The following LIMK2 variants were observed in gnomAD, a reference collection of about 807,000 sequenced individuals.
LIMK2 encodes the protein LIM domain kinase 2.
In LIMK2, 35 loss-of-function variants were observed where a neutral mutation model predicts 75.7. That is an observed-to-expected ratio of 0.46 (90% CI 0.35 to 0.61). The LOEUF (loss-of-function observed/expected upper bound fraction) is 0.61, where lower values mean the gene tolerates loss of function less well. LIMK2 is among the 20% of genes least tolerant of loss of function. The pLI is 0.00. For missense variants in LIMK2, 623 were observed against 831.0 expected (o/e 0.75, Z 3.08); for synonymous variants, 301 against 319.2 (o/e 0.94, Z 0.61).
At chr22:31,230,155 A>G (rs545640782) in intron 2 of LIMK2, 8 of 147,928 alleles carry the variant, frequency 5.4e-5, no homozygotes, top group African/African-American at 2.0e-4. Context: ...TGTAAACACT[A>G]TTGTACTTGG....
intron 4 of LIMK2, 59 bp from the exon 5 acceptor site, chr22:31,259,830 G>A (rs1292360100): frequency 2.0e-6 from 3 of 1,474,576 alleles, no homozygotes; most frequent in Non-Finnish European, 2.7e-6. Flanking sequence ...TGCAGTGGTT[G>A]CTGGGGGGCT....
chr22:31,272,928 C>A, intron 13 of LIMK2: 3 of 1,295,504 alleles, frequency 2.3e-6, no homozygotes, highest in Non-Finnish European at 2.0e-6. Flanking sequence ...TGAGTTCTGA[C>A]TGTGGCATTT....
chr22:31,268,976 G>A (rs2048925766), intron 11 of LIMK2, among the ~76,000 whole-genome samples: 1 of 152,218 alleles, frequency 6.6e-6, no homozygotes, highest in Non-Finnish European at 1.5e-5. Flanking sequence ...AAGCTATGGA[G>A]TCTGGACTAT....
intron 9 of LIMK2, 51 bp downstream of exon 9, chr22:31,267,121 A>G (rs756175797): frequency 1.7e-5 from 17 of 1,013,012 alleles, no homozygotes; most frequent in Non-Finnish European, 2.3e-5. Flanking sequence ...TGGAAGAGAG[A>G]AGACCTTACA....
chr22:31,262,459 G>T lies in LIMK2; in HGVS notation c.658-136G>T. 3.4e-6 allele frequency: 3 copies of T among 892,644 alleles called. No homozygotes were observed. Among genetic ancestry groups the T allele is most frequent in the Non-Finnish European group, 5.3e-6 (3 of 568,828 alleles). The allele number at this position is 892,644 out of a possible 1,614,324, so 55.3% of individuals were successfully genotyped here. On this transcript the variant is annotated intron_variant, in intron 6 of 15. Coordinates refer to ENST00000331728, the MANE Select transcript of LIMK2 (RefSeq NM_005569.4). The surrounding 1 kb of genome is among the most constrained non-coding windows in gnomAD (Gnocchi z 5.0). The stretch of plus-strand genomic sequence containing the variant: ...GACAGGATGCCAGGCAGAGGGCACT[G>T]TGAGGCCACTGGCAGCTAAAGGCCA...
intron 7 of LIMK2, among the ~76,000 whole-genome samples, chr22:31,263,426 G>C (rs896496182): frequency 6.6e-6 from 1 of 152,166 alleles, no homozygotes; most frequent in Non-Finnish European, 1.5e-5. Context: ...AAGATGGTAA[G>C]ATAAAGGTGG....
Position 31,267,650 on chromosome 22 carries a change from A to C in LIMK2, c.1129-126A>C. 3.0e-6 allele frequency: 3 copies of C among 1,016,884 alleles called. No individual in the cohort carries two copies. The South Asian group carries it at 5.1e-5, about 17-fold the overall frequency. The allele number at this position is 1,016,884 out of a possible 1,614,324, so 63.0% of individuals were successfully genotyped here. A position where few individuals can be genotyped will look rare whatever the true frequency, so the allele number is the denominator to read the frequency against. On this transcript the variant is annotated intron_variant, in intron 9 of 15. Transcript: ENST00000331728. Reference sequence around the variant, plus strand: ...CTCATCCTGATCTTAGTGCCCTGTCATATCACAAGATAGGAGGTAGGAGAT... The same window carrying C: ...CTCATCCTGATCTTAGTGCCCTGTCCTATCACAAGATAGGAGGTAGGAGAT...
intron 2 of LIMK2, among the ~76,000 whole-genome samples, chr22:31,240,355 G>A (rs148070423): frequency 1.8e-4 from 27 of 151,806 alleles, no homozygotes; most frequent in Non-Finnish European, 2.9e-4. Context: ...CATCCCTCAC[G>A]TTTGTTTGTT....
intron 15 of LIMK2, chr22:31,277,210 A>T: frequency 5.0e-6 from 8 of 1,605,104 alleles, no homozygotes; most frequent in Non-Finnish European, 6.8e-6. Context: ...TAGCAACAGC[A>T]ATACCGGGGG....
intron 15 of LIMK2, among the ~76,000 whole-genome samples, chr22:31,276,491 G>C (rs1179062567): frequency 3.4e-5 from 5 of 148,550 alleles, no homozygotes; most frequent in Non-Finnish European, 4.5e-5. Flanking sequence ...AGGGGACAAA[G>C]GGCGGGCGGA....
At position 31,262,507 on chromosome 22, in the gene LIMK2, G is replaced by A. The variant is rs1782611738; in HGVS notation, c.658-88G>A. On this transcript the variant is annotated intron_variant, in intron 6 of 15. Coordinates refer to ENST00000331728, the MANE Select transcript of LIMK2 (RefSeq NM_005569.4). This position sits in a 1 kb window ranked among gnomAD's most constrained non-coding sequence, Gnocchi z 5.0. ...CCACCATTAGACAAGTTGAGCACTG[G>A]CCACACTGTGCCTGAGTCATCTGGG... 1.5e-6 allele frequency: 2 copies of A among 1,303,500 alleles called. No individual in the cohort carries two copies. Among genetic ancestry groups the A allele is most frequent in the Non-Finnish European group, 2.2e-6 (2 of 925,760 alleles). 80.7% of individuals were successfully genotyped at this position (1,303,500 alleles called of 1,614,324 possible). A position where few individuals can be genotyped will look rare whatever the true frequency, so the allele number is the denominator to read the frequency against.
chr22:31,269,176 G>A (rs2048929206), intron 11 of LIMK2, among the ~76,000 whole-genome samples: 1 of 151,924 alleles, frequency 6.6e-6, no homozygotes. Flanking sequence ...CACGATCATG[G>A]CTCACTACAG....
In LIMK2 at chr22:31,268,355, C is replaced by T. The variant is rs55829843; in HGVS notation, c.1317+155C>T. ...GTTTGTCTGTGTCACTGAAACTGAC[C>T]CCAGCCAACTGTTCTCAGTTCACAG... On this transcript the variant is annotated intron_variant, in intron 11 of 15. Transcript: ENST00000331728. Among the ~76,000 whole-genome samples the T allele has an allele frequency of 2.2e-3, 342 of 152,252 alleles. 4 individuals are homozygous for T. The highest frequency in any genetic ancestry group is 4.2e-3 in the Non-Finnish European group (288 of 68,010).
In LIMK2 at chr22:31,212,348, G is replaced by C; in HGVS notation, c.-61G>C. On this transcript the variant is annotated 5_prime_UTR_variant, in exon 1 of 16. Transcript: ENST00000331728. Reference sequence around the variant, plus strand: ...GGCAGGAGCTGAGGGGAGTTGTAGGGAACTGAGGGGAGCTGCTGTGTCCCC... The same window carrying C: ...GGCAGGAGCTGAGGGGAGTTGTAGGCAACTGAGGGGAGCTGCTGTGTCCCC... The C allele has an allele frequency of 1.5e-6, 2 of 1,323,148 alleles. No homozygotes were observed. The highest frequency in any genetic ancestry group is 1.9e-6 in the Non-Finnish European group (2 of 1,027,720). 82.0% of individuals were successfully genotyped at this position (1,323,148 alleles called of 1,614,324 possible). A position where few individuals can be genotyped will look rare whatever the true frequency, so the allele number is the denominator to read the frequency against.
chr22:31,260,554 TATCCTAG>T (rs1266677902), intron 5 of LIMK2, among the ~76,000 whole-genome samples: 1 of 152,220 alleles, frequency 6.6e-6, no homozygotes, highest in Non-Finnish European at 1.5e-5. Flanking sequence ...GTTAAGACCC[TATCCTAG>T]ATTCAGGCCA....
At chr22:31,265,379 A>G (rs1189265427) in intron 7 of LIMK2, among the ~76,000 whole-genome samples, 1 of 150,974 alleles carries the variant, frequency 6.6e-6, no homozygotes, top group Non-Finnish European at 1.5e-5. Flanking sequence ...AATAATAATA[A>G]TAACAATAAC....
At position 31,212,441 on chromosome 22, in the gene LIMK2, C is replaced by T. The variant is rs904315789; in HGVS notation, c.16+17C>T. The T allele has an allele frequency of 1.5e-6, 2 of 1,322,142 alleles. No homozygotes were observed. Among genetic ancestry groups the T allele is most frequent in the Non-Finnish European group, 1.9e-6 (2 of 1,025,846 alleles). 81.9% of individuals were successfully genotyped at this position (1,322,142 alleles called of 1,614,324 possible). ...CGCTGGCGGGTAAGGAAGGGCTGCT[C>T]CGCCCTGTCCCGCTGTTATCTCCGA... On this transcript the variant is annotated intron_variant, in intron 1 of 15. Transcript: ENST00000331728.
At chr22:31,236,061 G>A (rs1012609829) in intron 2 of LIMK2, among the ~76,000 whole-genome samples, 12 of 151,744 alleles carry the variant, frequency 7.9e-5, no homozygotes, top group African/African-American at 2.4e-4. Context: ...TTGGGAGGCC[G>A]AGGTGGGCAG....
intron 2 of LIMK2, among the ~76,000 whole-genome samples, chr22:31,232,222 G>T (rs925200226): frequency 6.8e-6 from 1 of 146,438 alleles, no homozygotes. Flanking sequence ...TGGCTCCCAA[G>T]AGAGTCTGCT....
Sources: allele counts gnomAD v4.1 joint callset (sites outside exome capture counted in the v4.1 genomes callset), GRCh38; gene constraint gnomAD v4.1.1; non-coding constraint Gnocchi (gnomAD v3.1); transcripts MANE v1.5; gene names NCBI Gene and HGNC (gene_info 2026-07-23, HGNC 2026-07-21).